Variants in KDM6A observed in about 807,000 individuals in gnomAD.
KDM6A encodes lysine demethylase 6A.
A neutral mutation model predicts 117.6 loss-of-function variants in KDM6A; 11 were observed. The ratio of observed to expected loss-of-function variants is 0.09; its 90% CI spans 0.06 to 0.15. The LOEUF is 0.15. Ranked by LOEUF, KDM6A falls within the 10% of genes least tolerant of loss-of-function variation. The pLI, the probability that KDM6A is intolerant of heterozygous loss-of-function variation, is 1.00. For synonymous variants in KDM6A, 384 were observed against 396.1 expected (o/e 0.97, Z 0.36); for missense variants, 799 against 1,077.3 (o/e 0.74, Z 3.62).
intron 2 of KDM6A, among the ~76,000 whole-genome samples, chrX:44,947,115 A>G (rs188002108): frequency 1.8e-5 from 2 of 111,894 alleles, no homozygotes; most frequent in East Asian, 5.6e-4. Flanking sequence ...TTAAATAAAT[A>G]TTCATTTAAA....
rs150742769 is a variant in KDM6A at position 44,955,566 on chromosome X, A to G, written c.226-5718A>G. On this transcript the variant is annotated intron_variant, in intron 2 of 29. Transcript: ENST00000611820. The stretch of plus-strand genomic sequence containing the variant: ...TGTAACCTTTTCAGATGTACTGTTC[A>G]GTAGTGTTAGTCTCCAGAACTCTTT... Among the ~76,000 whole-genome samples, 534 of 111,645 alleles carry G rather than the reference A, an allele frequency of 4.8e-3. 3 individuals carry two copies. The highest frequency in any genetic ancestry group is 0.016 in the African/African-American group (502 of 30,805).
chrX:45,058,976 A>ATT lies in KDM6A; in HGVS notation c.876-17_876-16dup, dbSNP rs372323256. The ATT allele has an allele frequency of 3.1e-4, 291 of 954,079 alleles. No homozygotes were observed. In the African/African-American group the frequency reaches 3.3e-3, roughly 11 times the overall value. The allele number at this position is 954,079 out of a possible 1,213,427, so 78.6% of individuals were successfully genotyped here. A position where few individuals can be genotyped will look rare whatever the true frequency, so the allele number is the denominator to read the frequency against. On this transcript the variant is annotated intron_variant, in intron 10 of 29. Transcript: ENST00000611820. ...TTTCAGTATTAATGGAATTCTCTTG[A>ATT]TTTTTTTTTTTTTTCCCTTCCCTTC...
chrX:44,952,609 T>C (rs1336900570), intron 2 of KDM6A, among the ~76,000 whole-genome samples: 3 of 111,761 alleles, frequency 2.7e-5, no homozygotes, highest in African/African-American at 9.8e-5. Flanking sequence ...TGTGTATTAA[T>C]TGAAAGTAGG....
At chrX:44,989,048 G>A (rs974701252) in intron 4 of KDM6A, among the ~76,000 whole-genome samples, 1 of 107,777 alleles carries the variant, frequency 9.3e-6, no homozygotes, top group Non-Finnish European at 1.9e-5. Context: ...CCTGTGGTGG[G>A]TTCCACTCAG....
intron 2 of KDM6A, among the ~76,000 whole-genome samples, chrX:44,876,392 T>C (rs187133070): frequency 7.2e-5 from 8 of 111,710 alleles, no homozygotes; most frequent in African/African-American, 2.6e-4. Flanking sequence ...AATTATTTAG[T>C]TTCATCCTTC....
rs1458626959 is a variant in KDM6A, at chrX:45,047,668, TTTTTTC to T, written c.655-4035_655-4030del. ...CATTCTTCAAATATCTGCTTGCTTT[TTTTTTC>T]TTTTTTTTTTTTTTTTTTTTTTTTT... On this transcript the variant is annotated intron_variant, in intron 8 of 29. Transcript: ENST00000611820. Among the ~76,000 whole-genome samples the T allele has an allele frequency of 1.8e-3, 145 of 79,076 alleles. 4 individuals are homozygous for T. The highest frequency in any genetic ancestry group is 9.1e-3 in the African/African-American group (137 of 15,012). The allele number at this position is 79,076 out of a possible 115,157, so 68.7% of individuals were successfully genotyped here. A position where few individuals can be genotyped will look rare whatever the true frequency, so the allele number is the denominator to read the frequency against.
chrX:45,093,509 G>A (rs1341540370), intron 27 of KDM6A, among the ~76,000 whole-genome samples: 8 of 110,998 alleles, frequency 7.2e-5, no homozygotes, highest in Non-Finnish European at 1.3e-4. Flanking sequence ...GACCAACCTG[G>A]ACAGAGATTT....
chrX:44,992,639 C>T (rs1299832096), intron 4 of KDM6A, among the ~76,000 whole-genome samples: 2 of 109,837 alleles, frequency 1.8e-5, no homozygotes, highest in African/African-American at 3.3e-5. Context: ...TAACCTCCAC[C>T]TCCTGGGTTC....
intron 7 of KDM6A, among the ~76,000 whole-genome samples, 182 bp from the exon 8 acceptor site, chrX:45,037,470 GTTC>G (rs1416843346): frequency 8.9e-6 from 1 of 112,060 alleles, no homozygotes; most frequent in Non-Finnish European, 1.9e-5. Flanking sequence ...TCATGATTGT[GTTC>G]TTTAGTGTGT....
At chrX:44,967,052 A>G (rs1785633221) in intron 3 of KDM6A, among the ~76,000 whole-genome samples, 1 of 110,343 alleles carries the variant, frequency 9.1e-6, no homozygotes, top group Non-Finnish European at 1.9e-5. Context: ...TGTACTTTTT[A>G]GTAGAGACGG....
intron 2 of KDM6A, among the ~76,000 whole-genome samples, chrX:44,911,526 G>A (rs1426305224): frequency 3.7e-5 from 4 of 108,825 alleles, no homozygotes; most frequent in African/African-American, 6.7e-5. Context: ...GGGAAGAGGC[G>A]CTCCTGACTT....
chrX:45,004,897 G>C (rs188915632), intron 4 of KDM6A, among the ~76,000 whole-genome samples: 1 of 110,373 alleles, frequency 9.1e-6, no homozygotes, highest in Admixed American at 9.7e-5. Flanking sequence ...CTCGACCCAA[G>C]TGTATAACTG....
At chrX:45,082,662 C>T (rs2148142437) in intron 22 of KDM6A, 22 bp downstream of exon 22, 2 of 1,167,054 alleles carry the variant, frequency 1.7e-6, no homozygotes, top group Non-Finnish European at 2.3e-6. Flanking sequence ...TTAATGTCCA[C>T]TTAGTATTTC....
chrX:44,922,400 T>A (rs2036014423), intron 2 of KDM6A, among the ~76,000 whole-genome samples: 1 of 110,993 alleles, frequency 9.0e-6, no homozygotes, highest in African/African-American at 3.3e-5. Flanking sequence ...ATTCTTGTGC[T>A]TATTCGCCAT....
Position 44,979,632 on chromosome X carries a change from T to C in KDM6A, c.384+4917T>C, listed in dbSNP as rs2039788906. 2.7e-5 allele frequency among the ~76,000 whole-genome samples: 3 copies of C among 111,363 alleles called. No homozygotes were observed. The Admixed American group carries it at 2.9e-4, about 11-fold the overall frequency. On this transcript the variant is annotated intron_variant, in intron 4 of 29. Transcript: ENST00000611820. ...TTTTTCTTTTACAGTTTGTGCTTTT[T>C]GTGCTAGGAAATCTTTGTGTATCCC... is the stretch of plus-strand genomic sequence containing the variant.
chrX:45,029,448 AC>A (rs939967077), intron 6 of KDM6A, among the ~76,000 whole-genome samples: 3 of 108,958 alleles, frequency 2.8e-5, no homozygotes, highest in African/African-American at 1.0e-4. Flanking sequence ...ATAAATACAT[AC>A]ATACATACAA....
chrX:45,052,885 GTC>G (rs1602754551), intron 9 of KDM6A, among the ~76,000 whole-genome samples: 1 of 110,497 alleles, frequency 9.1e-6, no homozygotes, highest in East Asian at 2.8e-4. Context: ...TAGAGACAAG[GTC>G]TCTCTCTGTG....
chrX:45,108,340 G>T (rs949186787), intron 28 of KDM6A, among the ~76,000 whole-genome samples: 4 of 111,859 alleles, frequency 3.6e-5, no homozygotes, highest in Non-Finnish European at 5.6e-5. Flanking sequence ...ATAAGTCTAG[G>T]TGGCATTTAA....
In KDM6A at chrX:44,966,760, C is replaced by T. The variant is rs546479591; in HGVS notation, c.334+5368C>T. Among the ~76,000 whole-genome samples the T allele has an allele frequency of 6.4e-4, 71 of 110,588 alleles. No individual in the cohort carries two copies. The South Asian group carries it at 0.024, about 37-fold the overall frequency. The stretch of plus-strand genomic sequence containing the variant: ...ATGTATTCAGTATATTTTAATATTT[C>T]AAGCTGGTGGTTTCTATTTCCTAGA... On this transcript the variant is annotated intron_variant, in intron 3 of 29. Transcript: ENST00000611820.
Sources: allele counts gnomAD v4.1 joint callset (sites outside exome capture counted in the v4.1 genomes callset), GRCh38; gene constraint gnomAD v4.1.1; transcripts MANE v1.5; gene names NCBI Gene and HGNC (gene_info 2026-07-23, HGNC 2026-07-21).